Variants in THBS2 observed in about 807,000 individuals in gnomAD.
THBS2 encodes the protein thrombospondin 2.
THBS2 carries 47 observed loss-of-function variants against 135.2 expected under a neutral mutation model. The ratio of observed to expected loss-of-function variants is 0.35; its 90% CI spans 0.28 to 0.44. The LOEUF is 0.44. THBS2 is among the 20% of genes least tolerant of loss of function. THBS2 has a pLI of 1.00. For missense variants in THBS2, 1,288 were observed against 1,603.1 expected (o/e 0.80, Z 3.36); for synonymous variants, 639 against 633.8 (o/e 1.01, Z -0.12).
chr6:169,229,637 C>G lies in THBS2; in HGVS notation c.2194G>C (p.Asp732His). 1 of 1,614,146 alleles carries G rather than the reference C, an allele frequency of 6.2e-7. No homozygotes were observed. The highest frequency in any genetic ancestry group is 1.3e-5 in the African/African-American group (1 of 75,046). ...CAGGCATCGCCAATCCCGTCCTTGT[C>G]AAAGTCTTCCTGCCCAGAATTTGGC... ...HLPNSGQEDF[D>H]KDGIGDACDD... The change falls in exon 14 of 22, where the codon GAC (aspartate) becomes CAC (histidine). Residue 732 changes from aspartate (D) to histidine (H), a missense_variant. Asp to His is a moderately conservative substitution (Grantham distance 81). Coordinates refer to ENST00000617924, the MANE Select transcript of THBS2 (RefSeq NM_003247.5).
intron 5 of THBS2, 46 bp from the exon 6 acceptor site, chr6:169,240,638 T>C: frequency 3.2e-6 from 5 of 1,586,870 alleles, no homozygotes; most frequent in Non-Finnish European, 3.4e-6. Context: ...TAATACTACA[T>C]ATTTAGTCAT....
chr6:169,232,263 G>A (rs1779866237), intron 12 of THBS2, 65 bp from the exon 13 acceptor site: 1 of 1,565,842 alleles, frequency 6.4e-7, no homozygotes, highest in Non-Finnish European at 8.7e-7. Context: ...CGTCGAGGCG[G>A]GGCGTCGGGC....
chr6:169,232,871 C>T lies in THBS2; in HGVS notation c.1779+19G>A. 1.9e-6 allele frequency: 3 copies of T among 1,604,762 alleles called. No individual in the cohort carries two copies. Among genetic ancestry groups the T allele is most frequent in the South Asian group, 2.2e-5 (2 of 89,808 alleles). The stretch of plus-strand genomic sequence containing the variant: ...CTCCCGACCTCAGGGCGCCCACAGC[C>T]CAGGGCGGGGTCACCCACCTCGTCC... On this transcript the variant is annotated intron_variant, in intron 11 of 21. Transcript: ENST00000617924.
At chr6:169,239,181 A>T (rs1293299800) in intron 7 of THBS2, 2 of 173,952 alleles carry the variant, frequency 1.1e-5, no homozygotes, top group African/African-American at 2.4e-5. Flanking sequence ...TTCGGATAAC[A>T]GTCTTTGGTT....
chr6:169,248,694 C>G lies in THBS2; in HGVS notation c.332G>C (p.Arg111Thr), dbSNP rs1780648325. 6.2e-7 allele frequency: 1 copy of G among 1,613,884 alleles called. No individual in the cohort carries two copies. The highest frequency in any genetic ancestry group is 2.2e-5 in the East Asian group (1 of 44,818). Residue 111 changes from arginine to threonine, a missense_variant, in exon 3 of 22, where the codon AGG becomes ACG. Coordinates refer to ENST00000617924, the MANE Select transcript of THBS2 (RefSeq NM_003247.5). ...GCCGTTGGAGACGATCTCGAACTGC[C>G]TCTGGGAGAGACCGGGGCCCTCCAG... ...LALEGPGLSQ[R>T]QFEIVSNGPA... is the part of the protein sequence containing the mutation.
intron 14 of THBS2, 51 bp downstream of exon 14, chr6:169,229,521 C>A (rs1159203444): frequency 1.3e-6 from 2 of 1,514,718 alleles, no homozygotes; most frequent in African/African-American, 1.4e-5. Flanking sequence ...CTCCTGTGGA[C>A]CTCGCTGCTC....
chr6:169,244,695 A>G (rs1780485740), intron 4 of THBS2, among the ~76,000 whole-genome samples: 1 of 152,160 alleles, frequency 6.6e-6, no homozygotes, highest in South Asian at 2.1e-4. Context: ...AGCCAACTGC[A>G]CCCCAGGAAC....
Position 169,233,007 on chromosome 6 carries a change from T to A in THBS2, c.1662A>T (p.Leu554Phe), listed in dbSNP as rs1479718292. The A allele has an allele frequency of 6.5e-7, 1 of 1,540,704 alleles. No individual in the cohort carries two copies. The highest frequency in any genetic ancestry group is 1.4e-5 in the African/African-American group (1 of 73,368). Residue 554 changes from leucine (L) to phenylalanine (F), a missense_variant, in exon 11 of 22, where the codon TTA becomes TTT. Leu to Phe is a conservative substitution (Grantham distance 22). Coordinates refer to ENST00000617924, the MANE Select transcript of THBS2 (RefSeq NM_003247.5). ...NKRSCPVDGC[L>F]SNPCFPGAQC... ...GGGCTCCCGGGAAGCAGGGGTTGGA[T>A]AAACAGCCATCTGGGTGGGAGAAGG...
chr6:169,231,382 C>T (rs754028533), intron 13 of THBS2, among the ~76,000 whole-genome samples: 2 of 152,178 alleles, frequency 1.3e-5, no homozygotes, highest in Non-Finnish European at 2.9e-5. Context: ...AGAGGGAGCA[C>T]GGCCCCGCTA....
chr6:169,219,717 A>T (rs368599311), intron 21 of THBS2: 1 of 500,404 alleles, frequency 2.0e-6, no homozygotes, highest in East Asian at 5.5e-5. Context: ...TGGAAGGGTA[A>T]TGCGCATTTG....
At chr6:169,223,227 C>T (rs757472085) in intron 18 of THBS2, 21 bp downstream of exon 18, 48 of 1,601,582 alleles carry the variant, frequency 3.0e-5, no homozygotes, top group African/African-American at 4.0e-5. Flanking sequence ...CTGGCACCAC[C>T]GCCGTGTCTC....
intron 12 of THBS2, 91 bp downstream of exon 12, chr6:169,232,573 C>CCCTTCCTCT: frequency 1.3e-6 from 2 of 1,521,094 alleles, no homozygotes; most frequent in East Asian, 2.3e-5. Context: ...GCCACGCCAC[C>CCCTTCCTCT]CCTTCCTCTC....
rs116680672 is a variant in THBS2 at position 169,246,264 on chromosome 6, G to A, written c.627C>T (p.Val209=). The A allele has an allele frequency of 6.1e-4, 986 of 1,613,830 alleles. 3 individuals carry two copies. In the African/African-American group the frequency reaches 0.011, roughly 18 times the overall value. ...CCACAGAGTTTTCAAACACTAGGTGGACGTTCTGAAGCAAACCCTGTAAGT... is the reference window on the plus strand; with the variant it reads ...CCACAGAGTTTTCAAACACTAGGTGAACGTTCTGAAGCAAACCCTGTAAGT... The part of the protein sequence containing the change: ...ESHFRGLLQN[V]HLVFENSVED... Residue 209 remains valine (V), a synonymous_variant, in exon 4 of 22, where the codon GTC becomes GTT. Coordinates refer to ENST00000617924, the MANE Select transcript of THBS2 (RefSeq NM_003247.5).
intron 4 of THBS2, among the ~76,000 whole-genome samples, chr6:169,245,668 T>C (rs1316763951): frequency 6.6e-6 from 1 of 151,774 alleles, no homozygotes; most frequent in Non-Finnish European, 1.5e-5. Flanking sequence ...GGCGGGTGCC[T>C]GTAGTCCCAG....
In THBS2 at chr6:169,248,801, G is replaced by C; in HGVS notation, c.225C>G (p.Thr75=). The C allele has an allele frequency of 6.2e-7, 1 of 1,611,336 alleles. No individual in the cohort carries two copies. Among genetic ancestry groups the C allele is most frequent in the Non-Finnish European group, 8.5e-7 (1 of 1,180,010 alleles). ...PVNADDLSKI[T]KIMRQKEGFF... Reference sequence around the variant, plus strand: ...AGCCCTCCTTCTGCCGCATGATCTTGGTGATCTTGCTGAGGTCATCTGCGT... The same window carrying C: ...AGCCCTCCTTCTGCCGCATGATCTTCGTGATCTTGCTGAGGTCATCTGCGT... Residue 75 remains threonine (T), a synonymous_variant, in exon 3 of 22, where the codon ACC becomes ACG. Coordinates refer to ENST00000617924, the MANE Select transcript of THBS2 (RefSeq NM_003247.5).
intron 4 of THBS2, among the ~76,000 whole-genome samples, chr6:169,242,300 G>C (rs1282697614): frequency 2.0e-5 from 3 of 151,986 alleles, no homozygotes; most frequent in African/African-American, 7.3e-5. Context: ...CCAAACGCAG[G>C]AGCACCAGTG....
intron 4 of THBS2, among the ~76,000 whole-genome samples, chr6:169,242,990 T>TGC (rs1780402841): frequency 4.5e-5 from 1 of 22,080 alleles, no homozygotes. Flanking sequence ...CCTTCCCACA[T>TGC]TCGCACCTTC....
In THBS2 at chr6:169,225,182, G is replaced by A; in HGVS notation, c.2736C>T (p.Cys912=). The change falls in exon 17 of 22, where the codon TGC becomes TGT. Residue 912 remains cysteine, a synonymous_variant. Transcript: ENST00000617924. ...NDGVPDDRDN[C]RLVFNPDQED... is the part of the protein sequence containing the mutation. ...CCTGGTCTGGGTTGAACACAAGCCG[G>A]CAGTTGTCCCTGTCATCGGGGACGC... The A allele has an allele frequency of 1.2e-6, 2 of 1,614,196 alleles. No individual in the cohort carries two copies. Among genetic ancestry groups the A allele is most frequent in the Non-Finnish European group, 1.7e-6 (2 of 1,180,026 alleles).
At chr6:169,234,631 A>C in intron 10 of THBS2, 103 bp downstream of exon 10, 1 of 1,215,140 alleles carries the variant, frequency 8.2e-7, no homozygotes, top group Non-Finnish European at 1.1e-6. Flanking sequence ...ACTAAAATTG[A>C]TTTTTCTTTT....
Sources: allele counts gnomAD v4.1 joint callset (sites outside exome capture counted in the v4.1 genomes callset), GRCh38; gene constraint gnomAD v4.1.1; transcripts MANE v1.5; gene names NCBI Gene and HGNC (gene_info 2026-07-23, HGNC 2026-07-21).